TRPC4: variants seen among roughly 807,000 people sequenced by gnomAD.
The protein encoded by TRPC4 is transient receptor potential cation channel subfamily C member 4, also known as short transient receptor potential channel 4.
A neutral mutation model predicts 99.4 loss-of-function variants in TRPC4; 49 were observed. The observed-to-expected ratio is 0.49, with a 90% CI of 0.39 to 0.63. The LOEUF (loss-of-function observed/expected upper bound fraction) is 0.63. TRPC4 is among the 20% of genes least tolerant of loss of function. The pLI, the probability that TRPC4 is intolerant of heterozygous loss-of-function variation, is 0.00. For missense variants in TRPC4, 898 were observed against 1,152.9 expected (o/e 0.78, Z 3.20); for synonymous variants, 454 against 425.9 (o/e 1.07, Z -0.81).
intron 1 of TRPC4, among the ~76,000 whole-genome samples, chr13:37,823,964 G>T (rs989760171): frequency 2.4e-4 from 34 of 143,836 alleles, no homozygotes; most frequent in African/African-American, 8.3e-4. Context: ...GTGGTTTGTA[G>T]TTCTCCTTGA....
At chr13:37,806,204 C>G (rs1293346495) in intron 1 of TRPC4, among the ~76,000 whole-genome samples, 1 of 151,972 alleles carries the variant, frequency 6.6e-6, no homozygotes, top group Non-Finnish European at 1.5e-5. Flanking sequence ...GTCAGTCATA[C>G]AAAGTTGCTA....
intron 3 of TRPC4, among the ~76,000 whole-genome samples, chr13:37,709,864 A>G (rs1954419702): frequency 1.3e-5 from 2 of 152,054 alleles, no homozygotes; most frequent in South Asian, 4.1e-4. Flanking sequence ...TTTAGAATAA[A>G]TGAATAAACA....
chr13:37,818,190 A>G (rs1447623525), intron 1 of TRPC4, among the ~76,000 whole-genome samples: 4 of 140,508 alleles, frequency 2.8e-5, no homozygotes, highest in Non-Finnish European at 6.3e-5. Context: ...TAAAAACCCC[A>G]AAAGTGCACA....
intron 5 of TRPC4, among the ~76,000 whole-genome samples, chr13:37,665,840 C>CAAAAAAAA (rs1168472231): frequency 2.8e-5 from 2 of 71,022 alleles, no homozygotes; most frequent in African/African-American, 4.9e-5. Context: ...TCAGCTGAGA[C>CAAAAAAAA]AAAAAAAAAA....
chr13:37,651,281 C>T lies in TRPC4; in HGVS notation c.2063G>A (p.Ser688Asn). The change falls in exon 8 of 11, where the codon AGT becomes AAT. Residue 688 changes from serine (S) to asparagine (N), a missense_variant. Physicochemically the swap from Ser to Asn is conservative, Grantham distance 46. Transcript: ENST00000379705. ...CKKKMRRKPE[S>N]FGTIGRRAAD... ...TGTTCTTACCCCTATTGTTCCAAAA[C>T]TTTCTGGCTTTCTTCTCATCTTTTT... 1 of 1,614,080 alleles carries T rather than the reference C, an allele frequency of 6.2e-7. No homozygotes were observed. The highest frequency in any genetic ancestry group is 2.2e-5 in the East Asian group (1 of 44,884).
At chr13:37,802,214 A>C (rs1475188147) in intron 1 of TRPC4, among the ~76,000 whole-genome samples, 1 of 152,082 alleles carries the variant, frequency 6.6e-6, no homozygotes, top group African/African-American at 2.4e-5. Flanking sequence ...ATCTTACATA[A>C]ACATGTTTCT....
At chr13:37,729,510 G>A (rs1005961536) in intron 3 of TRPC4, among the ~76,000 whole-genome samples, 2 of 152,058 alleles carry the variant, frequency 1.3e-5, no homozygotes, top group Non-Finnish European at 2.9e-5. Context: ...TGAAAGTAGG[G>A]TGTTGAAGAA....
intron 4 of TRPC4, among the ~76,000 whole-genome samples, chr13:37,681,393 C>T (rs1953233930): frequency 6.6e-6 from 1 of 152,050 alleles, no homozygotes; most frequent in African/African-American, 2.4e-5. Context: ...TTTGTTTAAA[C>T]TTGAGCTATA....
chr13:37,646,227 C>T (rs1951857004), intron 8 of TRPC4, among the ~76,000 whole-genome samples: 1 of 152,198 alleles, frequency 6.6e-6, no homozygotes, highest in Admixed American at 6.5e-5. Flanking sequence ...CTGTGTGATG[C>T]TCAGAGTGAT....
At chr13:37,820,718 C>T (rs1010046375) in intron 1 of TRPC4, among the ~76,000 whole-genome samples, 10 of 152,126 alleles carry the variant, frequency 6.6e-5, no homozygotes, top group African/African-American at 2.4e-4. Flanking sequence ...GAAGAAAAGG[C>T]TTTCAAAGAA....
intron 3 of TRPC4, among the ~76,000 whole-genome samples, 167 bp from the exon 4 acceptor site, chr13:37,692,502 T>A (rs17056454): frequency 0.14 from 21,149 of 152,224 alleles, 1,528 homozygotes; most frequent in East Asian, 0.27. Flanking sequence ...ATAAAGCCAA[T>A]GTATTGAATA....
chr13:37,649,457 G>A (rs974564426), intron 8 of TRPC4, among the ~76,000 whole-genome samples: 5 of 151,952 alleles, frequency 3.3e-5, no homozygotes, highest in Admixed American at 6.6e-5. Context: ...GCTATTGGCC[G>A]GGCGCGGTGG....
intron 1 of TRPC4, among the ~76,000 whole-genome samples, chr13:37,802,958 C>T (rs1266564290): frequency 6.6e-6 from 1 of 151,880 alleles, no homozygotes; most frequent in East Asian, 1.9e-4. Flanking sequence ...AAAATTGTCC[C>T]CTTCTATGTC....
intron 5 of TRPC4, among the ~76,000 whole-genome samples, chr13:37,673,596 C>T (rs981378472): frequency 1.3e-5 from 2 of 151,718 alleles, no homozygotes; most frequent in South Asian, 4.2e-4. Flanking sequence ...AGAAACCCAA[C>T]AAAGTACAAA....
chr13:37,738,175 G>A (rs1371492440), intron 3 of TRPC4, among the ~76,000 whole-genome samples: 2 of 152,168 alleles, frequency 1.3e-5, no homozygotes, highest in Non-Finnish European at 2.9e-5. Context: ...TGAGCAGGAT[G>A]TACAGTAGGT....
At chr13:37,709,706 A>T (rs1171470339) in intron 3 of TRPC4, among the ~76,000 whole-genome samples, 1 of 151,966 alleles carries the variant, frequency 6.6e-6, no homozygotes, top group East Asian at 1.9e-4. Context: ...TTATATGTGC[A>T]TGTATCATGG....
intron 10 of TRPC4, 100 bp from the exon 11 acceptor site, chr13:37,637,725 T>C: frequency 8.4e-7 from 1 of 1,196,668 alleles, no homozygotes; most frequent in Admixed American, 2.8e-5. Context: ...TCACTCCTTT[T>C]TAAAAACAAG....
intron 1 of TRPC4, among the ~76,000 whole-genome samples, chr13:37,865,580 T>C (rs190150398): frequency 1.9e-4 from 29 of 151,920 alleles, no homozygotes; most frequent in Admixed American, 1.9e-3. Context: ...TAACAGACTA[T>C]TGTTTCAAAT....
At chr13:37,782,153 G>A (rs2139344483) in intron 2 of TRPC4, among the ~76,000 whole-genome samples, 2 of 152,092 alleles carry the variant, frequency 1.3e-5, no homozygotes, top group South Asian at 4.1e-4. Context: ...GGATCAAATA[G>A]ATAATTCAGA....
Sources: gnomAD v4.1 joint callset for allele counts (sites outside exome capture counted in the v4.1 genomes callset) on GRCh38, gnomAD v4.1.1 for gene constraint, MANE v1.5 for transcripts, NCBI Gene and HGNC (gene_info 2026-07-23, HGNC 2026-07-21) for gene names.